The following SLC7A6 variants were observed in gnomAD, a reference collection of about 807,000 sequenced individuals.
The protein encoded by SLC7A6 is Y+L amino acid transporter 2.
SLC7A6 carries 29 observed loss-of-function variants against 46.6 expected under a neutral mutation model. The observed-to-expected ratio is 0.62, with a 90% CI of 0.46 to 0.85. SLC7A6 has a LOEUF of 0.85. Among genes scored for constraint, SLC7A6 ranks in the 40% least tolerant of loss-of-function variants. The probability of loss-of-function intolerance (pLI) is 0.00; values close to 1 mark genes in which losing one functional copy is unlikely to be tolerated. For synonymous variants in SLC7A6, 276 were observed against 257.3 expected, an observed-to-expected ratio of 1.07 and a Z score of -0.70; for missense variants, 527 against 647.6, an observed-to-expected ratio of 0.81 and a Z score of 2.02.
intron 7 of SLC7A6, 171 bp downstream of exon 7, chr16:68,291,832 A>G (rs2043060438): frequency 1.8e-6 from 1 of 563,510 alleles, no homozygotes; most frequent in Non-Finnish European, 3.1e-6. Flanking sequence ...GCCTTTGTGC[A>G]AGTAGCACAT....
At chr16:68,268,804 C>G (rs1048569826) in intron 2 of SLC7A6, among the ~76,000 whole-genome samples, 1 of 151,904 alleles carries the variant, frequency 6.6e-6, no homozygotes, top group African/African-American at 2.4e-5. Context: ...TCCCAGGAGT[C>G]CGAGACCAGC....
chr16:68,296,893 C>T (rs1216489779), intron 10 of SLC7A6, 83 bp downstream of exon 10: 3 of 1,455,748 alleles, frequency 2.1e-6, no homozygotes, highest in Non-Finnish European at 2.8e-6. Context: ...ACAGCTTCCC[C>T]ATACTCAGAA....
At chr16:68,267,261 C>T (rs184888515) in intron 2 of SLC7A6, among the ~76,000 whole-genome samples, 41 of 131,928 alleles carry the variant, frequency 3.1e-4, no homozygotes, top group Non-Finnish European at 5.4e-4. Flanking sequence ...ATTGCCCTGG[C>T]GGAGTGCAAT....
At chr16:68,295,148 T>C (rs1319231540) in intron 8 of SLC7A6, among the ~76,000 whole-genome samples, 1 of 152,204 alleles carries the variant, frequency 6.6e-6, no homozygotes, top group African/African-American at 2.4e-5. Flanking sequence ...GGGTCCTTAA[T>C]ATGTGCCAAT....
At chr16:68,286,742 G>T (rs2151225131) in intron 3 of SLC7A6, among the ~76,000 whole-genome samples, 1 of 152,274 alleles carries the variant, frequency 6.6e-6, no homozygotes, top group Middle Eastern at 3.4e-3. Flanking sequence ...AGCCACGTGA[G>T]CCTAGGGAGT....
At position 68,300,482 on chromosome 16, in the gene SLC7A6, G is replaced by T; in HGVS notation, c.*3154G>T. The stretch of plus-strand genomic sequence containing the variant: ...TAAACATTACTCAGTGGAAAGCTAA[G>T]TTCAGAAGGTACTTTGTTTTTCCTC... On this transcript the variant is annotated 3_prime_UTR_variant, in exon 11 of 11. Transcript: ENST00000219343. 2 of 357,354 alleles carry T rather than the reference G, an allele frequency of 5.6e-6. No homozygotes were observed. Among genetic ancestry groups the T allele is most frequent in the Non-Finnish European group, 3.9e-6 (1 of 256,064 alleles). 22.1% of individuals were successfully genotyped at this position (357,354 alleles called of 1,614,324 possible).
intron 3 of SLC7A6, 58 bp from the exon 4 acceptor site, chr16:68,287,688 G>C: frequency 6.3e-7 from 1 of 1,590,806 alleles, no homozygotes. Flanking sequence ...GTAAAGAGGG[G>C]TTGGGCCCCT....
chr16:68,283,591 A>AAT (rs56157684), intron 3 of SLC7A6, among the ~76,000 whole-genome samples: 88,976 of 151,950 alleles, frequency 0.59, 26,324 homozygotes, highest in East Asian at 0.81. Context: ...GAAAAAGGGA[A>AAT]GAACAGATAG....
intron 2 of SLC7A6, among the ~76,000 whole-genome samples, chr16:68,269,469 G>A (rs2042588208): frequency 6.6e-6 from 1 of 152,106 alleles, no homozygotes; most frequent in African/African-American, 2.4e-5. Flanking sequence ...TAGTGTTTGG[G>A]TGTTATTGTT....
At chr16:68,272,040 T>C (rs1201073407) in intron 2 of SLC7A6, among the ~76,000 whole-genome samples, 1 of 152,210 alleles carries the variant, frequency 6.6e-6, no homozygotes, top group East Asian at 1.9e-4. Context: ...CTTGGCCTTA[T>C]GATCTGCCTG....
rs375138940 is a variant in SLC7A6, at chr16:68,301,348, A to C, written c.*4020A>C. 6.2e-7 allele frequency: 1 copy of C among 1,614,004 alleles called. No homozygotes were observed. Among genetic ancestry groups the C allele is most frequent in the African/African-American group, 1.3e-5 (1 of 74,912 alleles). On this transcript the variant is annotated 3_prime_UTR_variant, in exon 11 of 11. Transcript: ENST00000219343. Reference sequence around the variant, plus strand: ...CACATCCAGAGGGTACTTGCTCCACATCCGCTGTCTGCTGCTGCCTCTTTC... The same window carrying C: ...CACATCCAGAGGGTACTTGCTCCACCTCCGCTGTCTGCTGCTGCCTCTTTC...
chr16:68,290,326 C>A, intron 4 of SLC7A6, 70 bp from the exon 5 acceptor site: 6 of 1,524,272 alleles, frequency 3.9e-6, no homozygotes, highest in Non-Finnish European at 4.5e-6. Flanking sequence ...TTACACCTCC[C>A]ATCTCCTCTT....
At chr16:68,267,413 C>G (rs565052995) in intron 2 of SLC7A6, among the ~76,000 whole-genome samples, 15 of 151,850 alleles carry the variant, frequency 9.9e-5, no homozygotes, top group African/African-American at 3.4e-4. Context: ...TAGGGTTTCA[C>G]TATGTTGGCC....
In SLC7A6 at chr16:68,291,300, T is replaced by A. The variant is rs62636648; in HGVS notation, c.886T>A (p.Ser296Thr). The A allele has an allele frequency of 4.3e-3, 6,970 of 1,614,184 alleles. 287 individuals are homozygous for A. The African/African-American group carries it at 0.08, about 19-fold the overall frequency. Residue 296 changes from serine to threonine, a missense_variant, in exon 6 of 11, where the codon TCA (serine) becomes ACA (threonine). Transcript: ENST00000219343. ...NVAYYTVLNISDVLSSDAVAV... is the reference protein window; with the variant it reads ...NVAYYTVLNITDVLSSDAVAV... Reference sequence around the variant, plus strand: ...GGCCTATTACACAGTGCTGAACATTTCAGATGTCCTTAGCAGTGATGCTGT... The same window carrying A: ...GGCCTATTACACAGTGCTGAACATTACAGATGTCCTTAGCAGTGATGCTGT...
At position 68,277,636 on chromosome 16, in the gene SLC7A6, A is replaced by AT. The variant is rs201567606; in HGVS notation, c.523+2395dup. ...TTGTATTATTTTTTAATTAAAAAAA[A>AT]TTTTTTTTGAGATGGAGTTTCGCTC... On this transcript the variant is annotated intron_variant, in intron 3 of 10. Transcript: ENST00000219343. 3.0e-4 allele frequency among the ~76,000 whole-genome samples: 44 copies of AT among 147,764 alleles called. No individual in the cohort carries two copies. In the East Asian group the frequency reaches 8.0e-3, roughly 27 times the overall value.
At chr16:68,284,037 G>T (rs2042878796) in intron 3 of SLC7A6, among the ~76,000 whole-genome samples, 1 of 151,972 alleles carries the variant, frequency 6.6e-6, no homozygotes, top group Non-Finnish European at 1.5e-5. Flanking sequence ...CTCTGGCAGG[G>T]CTGATAGTAG....
chr16:68,278,002 C>T (rs1330696098), intron 3 of SLC7A6, among the ~76,000 whole-genome samples: 4 of 151,426 alleles, frequency 2.6e-5, no homozygotes, highest in East Asian at 3.9e-4. Context: ...TACAGTGGCT[C>T]GATCTCTGCT....
At chr16:68,272,221 C>T (rs1444050263) in intron 2 of SLC7A6, among the ~76,000 whole-genome samples, 1 of 151,884 alleles carries the variant, frequency 6.6e-6, no homozygotes, top group African/African-American at 2.4e-5. Flanking sequence ...CAAGACCAGC[C>T]TGGGCAATGT....
Position 68,291,435 on chromosome 16 carries a change from GGTCATGA to G in SLC7A6, c.918+107_918+113del, listed in dbSNP as rs1010564169. 3.2e-6 allele frequency: 5 copies of G among 1,583,110 alleles called. No individual in the cohort carries two copies. The African/African-American group carries it at 6.7e-5, about 21-fold the overall frequency. ...CACCCTCCTCAGCTCTGCAGGATGAGGTCATGAGTCTAGGCCAGAGGGTGGGCTGCTT... is the reference window on the plus strand; with the variant it reads ...CACCCTCCTCAGCTCTGCAGGATGAGGTCTAGGCCAGAGGGTGGGCTGCTT... On this transcript the variant is annotated intron_variant, in intron 6 of 10. Coordinates refer to ENST00000219343, the MANE Select transcript of SLC7A6 (RefSeq NM_003983.6).
Sources: gnomAD v4.1 joint callset for allele counts (sites outside exome capture counted in the v4.1 genomes callset) on GRCh38, gnomAD v4.1.1 for gene constraint, MANE v1.5 for transcripts, NCBI Gene and HGNC (gene_info 2026-07-23, HGNC 2026-07-21) for gene names.